The following PCDHGC3 variants were observed in gnomAD, a reference collection of about 807,000 sequenced individuals.
PCDHGC3 encodes protocadherin gamma-C3.
Under a neutral mutation model 59.2 loss-of-function variants are expected in PCDHGC3, and 26 were observed. That is an observed-to-expected ratio of 0.44 (90% CI 0.32 to 0.61). The LOEUF is 0.61. Ranked by LOEUF, PCDHGC3 falls within the 20% of genes least tolerant of loss-of-function variation. PCDHGC3 has a pLI of 0.05. For synonymous variants in PCDHGC3, 487 were observed against 519.7 expected (o/e 0.94, Z 0.86); for missense variants, 1,080 against 1,221.8 (o/e 0.88, Z 1.73).
chr5:141,479,562 T>G (rs1176956064), intron 1 of PCDHGC3: 2 of 152,218 alleles, frequency 1.3e-5, no homozygotes, highest in Non-Finnish European at 2.9e-5. Flanking sequence ...TATCCAGTAG[T>G]GGGATGACAT....
intron 3 of PCDHGC3, among the ~76,000 whole-genome samples, chr5:141,505,926 G>A (rs114056147): frequency 0.012 from 1,893 of 152,254 alleles, 12 homozygotes; most frequent in Middle Eastern, 0.034. Context: ...TGGGCCTGGC[G>A]CTTGGAAGCC....
chr5:141,490,042 G>A lies in PCDHGC3; in HGVS notation c.2431-4765G>A. On this transcript the variant is annotated intron_variant, in intron 1 of 3. Transcript: ENST00000308177. This position sits in a 1 kb window ranked among gnomAD's most constrained non-coding sequence, Gnocchi z 5.4. ...TCTGCTGCTCCGCCTCAATGCCACT[G>A]ATCCAGACGAGGGCACCAACGGCCA... The A allele has an allele frequency of 6.2e-7, 1 of 1,614,266 alleles. No homozygotes were observed. Among genetic ancestry groups the A allele is most frequent in the Non-Finnish European group, 8.5e-7 (1 of 1,180,038 alleles).
chr5:141,500,207 T>G (rs932015076), intron 2 of PCDHGC3, among the ~76,000 whole-genome samples: 2 of 150,136 alleles, frequency 1.3e-5, no homozygotes, highest in African/African-American at 4.9e-5. Context: ...TTTATTTATT[T>G]ATTTATTTAT....
In PCDHGC3 at chr5:141,476,948, G is replaced by T; in HGVS notation, c.832G>T (p.Glu278Ter). 6.2e-7 allele frequency: 1 copy of T among 1,614,180 alleles called. No individual in the cohort carries two copies. Residue 278 changes from glutamate to a stop codon, truncating the protein, a stop_gained, in exon 1 of 4, where the codon GAA becomes TAA. Transcript: ENST00000308177. LOFTEE classifies it high-confidence loss of function. The surrounding 1 kb of genome is among the most constrained non-coding windows in gnomAD (Gnocchi z 7.6). ...GGATCTGGATGAAGGCCCCAACGGTGAAATTATTTACTCCTTCGGCAGCCA... is the reference window on the plus strand; with the variant it reads ...GGATCTGGATGAAGGCCCCAACGGTTAAATTATTTACTCCTTCGGCAGCCA... ...ATDLDEGPNG[E>*]IIYSFGSHNR...
intron 2 of PCDHGC3, among the ~76,000 whole-genome samples, chr5:141,501,109 C>T (rs909874167): frequency 2.0e-5 from 3 of 152,106 alleles, no homozygotes; most frequent in South Asian, 2.1e-4. Context: ...CCTCGTGATC[C>T]GCCTGCCTCA....
In PCDHGC3 at chr5:141,489,844, C is replaced by G. The variant is rs1004902910; in HGVS notation, c.2431-4963C>G. Reference sequence around the variant, plus strand: ...GCTGGTGCTAGAGCAGCAGCTGGATCGTGAAGCCCAGGCAAGACATCAGCT... The same window carrying G: ...GCTGGTGCTAGAGCAGCAGCTGGATGGTGAAGCCCAGGCAAGACATCAGCT... On this transcript the variant is annotated intron_variant, in intron 1 of 3. Coordinates refer to ENST00000308177, the MANE Select transcript of PCDHGC3 (RefSeq NM_002588.4). The surrounding 1 kb of genome is among the most constrained non-coding windows in gnomAD (Gnocchi z 4.5). The G allele has an allele frequency of 1.2e-6, 2 of 1,614,030 alleles. No individual in the cohort carries two copies. Among genetic ancestry groups the G allele is most frequent in the Non-Finnish European group, 8.5e-7 (1 of 1,179,990 alleles).
chr5:141,492,043 TC>T (rs1323524482), intron 1 of PCDHGC3: 5 of 518,152 alleles, frequency 9.6e-6, no homozygotes, highest in Non-Finnish European at 1.7e-5. Context: ...CAGTCACAGA[TC>T]CACCCCTGCA....
intron 1 of PCDHGC3, among the ~76,000 whole-genome samples, chr5:141,482,940 G>T (rs1245833250): frequency 6.6e-6 from 1 of 152,026 alleles, no homozygotes; most frequent in East Asian, 1.9e-4. Context: ...AGGTGTGGTT[G>T]TGGGTGCCTG....
intron 2 of PCDHGC3, among the ~76,000 whole-genome samples, chr5:141,501,102 C>G (rs951290710): frequency 2.0e-5 from 3 of 152,014 alleles, no homozygotes; most frequent in African/African-American, 4.8e-5. Flanking sequence ...CTCTTGACCT[C>G]GTGATCCGCC....
At chr5:141,503,836 A>G (rs1260399957) in intron 2 of PCDHGC3, among the ~76,000 whole-genome samples, 4 of 152,142 alleles carry the variant, frequency 2.6e-5, no homozygotes, top group Admixed American at 6.5e-5. Flanking sequence ...AAAAGCAGGG[A>G]CAGACCTTGG....
intron 2 of PCDHGC3, among the ~76,000 whole-genome samples, chr5:141,500,035 CTT>C: frequency 6.6e-6 from 1 of 152,100 alleles, no homozygotes; most frequent in East Asian, 1.9e-4. Flanking sequence ...GTGAGTGTCT[CTT>C]AAGTATCTTA....
Position 141,491,482 on chromosome 5 carries a change from A to G in PCDHGC3, c.2431-3325A>G. On this transcript the variant is annotated intron_variant, in intron 1 of 3. Coordinates refer to ENST00000308177, the MANE Select transcript of PCDHGC3 (RefSeq NM_002588.4). The surrounding 1 kb of genome is among the most constrained non-coding windows in gnomAD (Gnocchi z 6.9). Reference sequence around the variant, plus strand: ...GGACTTCTATAAGCAGTCCAGCCCCAACCTGCAGGTGAGCTCGGACGGCAC... The same window carrying G: ...GGACTTCTATAAGCAGTCCAGCCCCGACCTGCAGGTGAGCTCGGACGGCAC... 1 of 1,614,088 alleles carries G rather than the reference A, an allele frequency of 6.2e-7. No individual in the cohort carries two copies. The highest frequency in any genetic ancestry group is 8.5e-7 in the Non-Finnish European group (1 of 1,180,006).
intron 2 of PCDHGC3, among the ~76,000 whole-genome samples, chr5:141,500,806 T>C (rs2099802700): frequency 6.6e-6 from 1 of 152,240 alleles, no homozygotes; most frequent in Non-Finnish European, 1.5e-5. Context: ...AGTCCTCATA[T>C]GAATATACAT....
chr5:141,477,059 A>T lies in PCDHGC3; in HGVS notation c.943A>T (p.Thr315Ser). The T allele has an allele frequency of 6.2e-7, 1 of 1,614,238 alleles. No homozygotes were observed. Among genetic ancestry groups the T allele is most frequent in the Non-Finnish European group, 8.5e-7 (1 of 1,180,036 alleles). ...CAAGGGTCGGCTGGACTTCGAGGAC[A>T]CCAAACTCCATGAGATTTACATCCA... ...TIKGRLDFEDTKLHEIYIQAK... is the reference protein window; with the variant it reads ...TIKGRLDFEDSKLHEIYIQAK... Residue 315 changes from threonine (T) to serine (S), a missense_variant, in exon 1 of 4, where the codon ACC becomes TCC. By Grantham distance (58) the Thr-to-Ser change is moderately conservative (BLOSUM62 1). Transcript: ENST00000308177. The surrounding 1 kb of genome is among the most constrained non-coding windows in gnomAD (Gnocchi z 4.9).
intron 2 of PCDHGC3, among the ~76,000 whole-genome samples, chr5:141,502,401 G>A (rs191747075): frequency 2.0e-5 from 3 of 151,874 alleles, no homozygotes; most frequent in Admixed American, 1.3e-4. Flanking sequence ...AAATGTCCCC[G>A]AACCTGGATT....
intron 2 of PCDHGC3, among the ~76,000 whole-genome samples, chr5:141,505,180 A>G (rs1435197883): frequency 6.6e-6 from 1 of 152,200 alleles, no homozygotes; most frequent in Non-Finnish European, 1.5e-5. Context: ...AGAAAAAAGC[A>G]TCGGAGGCAG....
chr5:141,500,986 A>G (rs1223940696), intron 2 of PCDHGC3, among the ~76,000 whole-genome samples: 1 of 151,656 alleles, frequency 6.6e-6, no homozygotes, highest in East Asian at 1.9e-4. Flanking sequence ...CTCCTGCCTC[A>G]GCCTCCTGAG....
rs748457785 is a variant in PCDHGC3 at position 141,489,197 on chromosome 5, A to G, written c.2431-5610A>G. On this transcript the variant is annotated intron_variant, in intron 1 of 3. Coordinates refer to ENST00000308177, the MANE Select transcript of PCDHGC3 (RefSeq NM_002588.4). This position sits in a 1 kb window ranked among gnomAD's most constrained non-coding sequence, Gnocchi z 4.5. ...TCCAAGCCCTGGGTCTACCTTGGAG[A>G]CAGGACAGCACAGACTTACTCTCCA... 7 of 1,391,050 alleles carry G rather than the reference A, an allele frequency of 5.0e-6. No individual in the cohort carries two copies. Among genetic ancestry groups the G allele is most frequent in the African/African-American group, 2.9e-5 (2 of 69,150 alleles). 86.2% of individuals were successfully genotyped at this position (1,391,050 alleles called of 1,614,324 possible).
rs759737266 is a variant in PCDHGC3 at position 141,489,464 on chromosome 5, T to A, written c.2431-5343T>A. 5 of 1,614,030 alleles carry A rather than the reference T, an allele frequency of 3.1e-6. No homozygotes were observed. In the South Asian group the frequency reaches 3.3e-5, roughly 11 times the overall value. On this transcript the variant is annotated intron_variant, in intron 1 of 3. Transcript: ENST00000308177. The surrounding 1 kb of genome is among the most constrained non-coding windows in gnomAD (Gnocchi z 4.5). ...GGCTCTGAGGAGAATGGGCGCTATT[T>A]TTCCCTGAGCTTGATGAGTGGTGCC...
Sources: gnomAD v4.1 joint callset for allele counts (sites outside exome capture counted in the v4.1 genomes callset) on GRCh38, gnomAD v4.1.1 for gene constraint, Gnocchi (gnomAD v3.1) non-coding constraint, MANE v1.5 for transcripts, NCBI Gene and HGNC (gene_info 2026-07-23, HGNC 2026-07-21) for gene names.